The following AKAP7 variants were observed in gnomAD, a reference collection of about 807,000 sequenced individuals.
The protein encoded by AKAP7 is A kinase (PRKA) anchor protein 7.
A neutral mutation model predicts 39.5 loss-of-function variants in AKAP7; 39 were observed. The observed-to-expected ratio is 0.99, with a 90% confidence interval of 0.76 to 1.29. The LOEUF (loss-of-function observed/expected upper bound fraction) is 1.29. Ranked by LOEUF, AKAP7 falls within the 50% of genes most tolerant of loss-of-function variation. The pLI is 0.00. For missense variants in AKAP7, 414 were observed against 407.7 expected, an observed-to-expected ratio of 1.02 and a Z score of -0.13; for synonymous variants, 140 against 139.1, an observed-to-expected ratio of 1.01 and a Z score of -0.05.
intron 5 of AKAP7, among the ~76,000 whole-genome samples, chr6:131,192,181 G>A (rs747442863): frequency 2.8e-4 from 42 of 152,266 alleles, no homozygotes; most frequent in Non-Finnish European, 4.7e-4. Flanking sequence ...ATGCCCTGGA[G>A]AGTTTCTCCA....
intron 7 of AKAP7, among the ~76,000 whole-genome samples, chr6:131,236,164 C>T (rs111251692): frequency 6.6e-6 from 1 of 151,952 alleles, no homozygotes; most frequent in Admixed American, 6.6e-5. Context: ...AATAGGGAAT[C>T]GTTTCCCCAT....
At position 131,224,225 on chromosome 6, in the gene AKAP7, T is replaced by C. The variant is rs191318049; in HGVS notation, c.850+4417T>C. The stretch of plus-strand genomic sequence containing the variant: ...ATGTACACTAGAGTTCATTTGCTTA[T>C]AGATATTATTGATTTTATCAATCTT... On this transcript the variant is annotated intron_variant, in intron 7 of 7. Transcript: ENST00000431975. Among the ~76,000 whole-genome samples the C allele has an allele frequency of 8.9e-4, 136 of 152,376 alleles. 3 individuals are homozygous for C. The highest frequency in any genetic ancestry group is 3.3e-3 in the African/African-American group (136 of 41,592).
At chr6:131,166,012 CT>C in intron 4 of AKAP7, among the ~76,000 whole-genome samples, 1 of 152,170 alleles carries the variant, frequency 6.6e-6, no homozygotes, top group East Asian at 1.9e-4. Flanking sequence ...AGGAGCAAGG[CT>C]TGAATTAGGA....
At chr6:131,274,305 A>T (rs918790762) in intron 7 of AKAP7, among the ~76,000 whole-genome samples, 2 of 151,998 alleles carry the variant, frequency 1.3e-5, no homozygotes, top group Non-Finnish European at 2.9e-5. Context: ...GTTTTTGTGG[A>T]ATTTCAAACA....
intron 2 of AKAP7, among the ~76,000 whole-genome samples, chr6:131,147,789 T>C (rs1801595179): frequency 6.6e-6 from 1 of 152,186 alleles, no homozygotes; most frequent in African/African-American, 2.4e-5. Flanking sequence ...TCACTCCCAT[T>C]GGAGTGCATA....
chr6:131,144,585 A>C (rs989583234), intron 1 of AKAP7, among the ~76,000 whole-genome samples: 7 of 152,198 alleles, frequency 4.6e-5, no homozygotes, highest in African/African-American at 1.7e-4. Context: ...TTAGCAATTA[A>C]CTTTATCAAT....
intron 7 of AKAP7, among the ~76,000 whole-genome samples, chr6:131,265,203 C>T (rs912054547): frequency 9.9e-5 from 15 of 152,100 alleles, no homozygotes; most frequent in African/African-American, 3.1e-4. Context: ...GGTGCAATTT[C>T]GGCTCACTTT....
intron 7 of AKAP7, among the ~76,000 whole-genome samples, chr6:131,244,011 T>TC (rs993310464): frequency 3.3e-5 from 5 of 151,688 alleles, no homozygotes; most frequent in East Asian, 1.9e-4. Flanking sequence ...TTTTTTTTTT[T>TC]TCCAAATAAG....
At chr6:131,137,315 T>G (rs1035436125) in intron 1 of AKAP7, 3 of 152,062 alleles carry the variant, frequency 2.0e-5, no homozygotes, top group Non-Finnish European at 4.4e-5. Flanking sequence ...TGAGTAGTCA[T>G]TTATTATCCA....
At chr6:131,154,203 T>C (rs998246643) in intron 2 of AKAP7, among the ~76,000 whole-genome samples, 6 of 151,946 alleles carry the variant, frequency 3.9e-5, no homozygotes, top group Non-Finnish European at 7.4e-5. Context: ...AGCAAAACTC[T>C]GCCTCAGAAA....
intron 6 of AKAP7, among the ~76,000 whole-genome samples, chr6:131,201,337 G>T (rs1029374225): frequency 6.6e-6 from 1 of 152,180 alleles, no homozygotes; most frequent in Non-Finnish European, 1.5e-5. Flanking sequence ...GCACAGAGTG[G>T]TGATCAAAAT....
intron 6 of AKAP7, among the ~76,000 whole-genome samples, chr6:131,212,343 A>T (rs1051226414): frequency 9.9e-5 from 15 of 152,238 alleles, no homozygotes; most frequent in African/African-American, 3.6e-4. Flanking sequence ...CTCTATCTGG[A>T]GAGAAACATT....
At position 131,145,438 on chromosome 6, in the gene AKAP7, C is replaced by T. The variant is rs377183868; in HGVS notation, c.151+22C>T. The T allele has an allele frequency of 7.0e-5, 97 of 1,390,090 alleles. No homozygotes were observed. In the African/African-American group the frequency reaches 8.1e-4, roughly 12 times the overall value. 86.1% of individuals were successfully genotyped at this position (1,390,090 alleles called of 1,614,324 possible). On this transcript the variant is annotated intron_variant, in intron 2 of 7. Coordinates refer to ENST00000431975, the MANE Select transcript of AKAP7 (RefSeq NM_016377.4). ...GGAAGTAAGTACTTTATTAAGTAAA[C>T]GCGTATTTAGAAGCAATGAGTAGTA...
chr6:131,133,337 C>T (rs529904931), upstream of AKAP7, among the ~76,000 whole-genome samples: 1 of 152,228 alleles, frequency 6.6e-6, no homozygotes, highest in South Asian at 2.1e-4. Flanking sequence ...GATTATCTCC[C>T]ATTTGCTCAA....
At chr6:131,152,067 C>CAG (rs1801966205) in intron 2 of AKAP7, among the ~76,000 whole-genome samples, 1 of 151,164 alleles carries the variant, frequency 6.6e-6, no homozygotes, top group Non-Finnish European at 1.5e-5. Context: ...ATACACGAAT[C>CAG]AGAGAGTTAC....
At chr6:131,248,277 GA>G (rs1192338953) in intron 7 of AKAP7, among the ~76,000 whole-genome samples, 1 of 152,242 alleles carries the variant, frequency 6.6e-6, no homozygotes, top group African/African-American at 2.4e-5. Context: ...TACAGATAAA[GA>G]TATCAAAACT....
chr6:131,278,543 T>C (rs1261336233), intron 7 of AKAP7, among the ~76,000 whole-genome samples: 1 of 152,184 alleles, frequency 6.6e-6, no homozygotes, highest in African/African-American at 2.4e-5. Context: ...TTTAGTTGGC[T>C]CATGGTTCCA....
the AKAP7 span, among the ~76,000 whole-genome samples, chr6:131,127,503 A>G: frequency 6.6e-6 from 1 of 152,254 alleles, no homozygotes; most frequent in Non-Finnish European, 1.5e-5. Flanking sequence ...CATTTAAATG[A>G]AAGGGAATGA....
Position 131,265,784 on chromosome 6 carries a change from C to G in AKAP7, c.851-15746C>G, listed in dbSNP as rs556025543. 5.3e-5 allele frequency among the ~76,000 whole-genome samples: 8 copies of G among 152,202 alleles called. No individual in the cohort carries two copies. In the East Asian group the frequency reaches 1.4e-3, roughly 26 times the overall value. On this transcript the variant is annotated intron_variant, in intron 7 of 7. Transcript: ENST00000431975. ...TGTCAGTTTTTAGTTTTGTAGACTT[C>G]GGCAAGTCTCATGGCTTCTCTGACT...
Sources: gnomAD v4.1 joint callset for allele counts (sites outside exome capture counted in the v4.1 genomes callset) on GRCh38, gnomAD v4.1.1 for gene constraint, MANE v1.5 for transcripts, NCBI Gene and HGNC (gene_info 2026-07-23, HGNC 2026-07-21) for gene names.